ITPR1: variants seen among roughly 807,000 people sequenced by gnomAD.
ITPR1 encodes the protein inositol 1,4,5-trisphosphate-gated calcium channel ITPR1.
A neutral mutation model predicts 318.4 loss-of-function variants in ITPR1; 96 were observed. That is an observed-to-expected ratio of 0.30 (90% CI 0.26 to 0.36). The LOEUF (loss-of-function observed/expected upper bound fraction) is 0.36. Ranked by LOEUF, ITPR1 falls within the 10% of genes least tolerant of loss-of-function variation. ITPR1 has a pLI of 1.00. For synonymous variants in ITPR1, 1,312 were observed against 1,289.9 expected (o/e 1.02, Z -0.37); for missense variants, 2,440 against 3,460.2 (o/e 0.71, Z 7.40).
At chr3:4,698,961 C>A (rs993718468) in intron 34 of ITPR1, among the ~76,000 whole-genome samples, 1 of 152,284 alleles carries the variant, frequency 6.6e-6, no homozygotes, top group South Asian at 2.1e-4. Context: ...CACCCCAAAA[C>A]GTGTATAGTC....
intron 51 of ITPR1, among the ~76,000 whole-genome samples, chr3:4,785,691 A>G (rs1156826226): frequency 6.6e-6 from 1 of 152,178 alleles, no homozygotes; most frequent in African/African-American, 2.4e-5. Flanking sequence ...AGGACCTTGG[A>G]GATTATCTCA....
At chr3:4,523,120 C>T (rs1374887343) in intron 4 of ITPR1, among the ~76,000 whole-genome samples, 4 of 152,142 alleles carry the variant, frequency 2.6e-5, no homozygotes, top group South Asian at 2.1e-4. Context: ...ATCTAGGTTT[C>T]GCTTTTGCAG....
intron 7 of ITPR1, 61 bp downstream of exon 7, chr3:4,642,312 AT>A: frequency 7.5e-7 from 1 of 1,327,132 alleles, no homozygotes; most frequent in East Asian, 2.6e-5. Context: ...ATGACTGTAT[AT>A]TAGAGTTAAG....
At chr3:4,535,139 CG>C (rs2083743467) in intron 4 of ITPR1, among the ~76,000 whole-genome samples, 1 of 138,056 alleles carries the variant, frequency 7.2e-6, no homozygotes, top group South Asian at 2.3e-4. Context: ...TTGATCTGGG[CG>C]GGGGGAGGGA....
At chr3:4,724,920 G>C (rs752445658) in intron 40 of ITPR1, among the ~76,000 whole-genome samples, 3 of 152,156 alleles carry the variant, frequency 2.0e-5, no homozygotes, top group Non-Finnish European at 4.4e-5. Flanking sequence ...GCATGGGGTG[G>C]GAAACTCATC....
chr3:4,514,265 CA>C (rs926661854), intron 2 of ITPR1, among the ~76,000 whole-genome samples: 1 of 152,146 alleles, frequency 6.6e-6, no homozygotes, highest in African/African-American at 2.4e-5. Flanking sequence ...ACTAAGAGAA[CA>C]TTTGTAAAGC....
chr3:4,727,633 G>C (rs1241353058), intron 42 of ITPR1, among the ~76,000 whole-genome samples: 3 of 152,196 alleles, frequency 2.0e-5, no homozygotes, highest in African/African-American at 7.2e-5. Flanking sequence ...GGAATGTAGT[G>C]GTGCAATCTC....
intron 11 of ITPR1, among the ~76,000 whole-genome samples, chr3:4,652,489 T>C (rs1221057380): frequency 6.6e-6 from 1 of 152,176 alleles, no homozygotes; most frequent in Non-Finnish European, 1.5e-5. Context: ...GGTATTATTT[T>C]CCATTTCGCT....
chr3:4,695,361 G>A (rs751611787), intron 33 of ITPR1, among the ~76,000 whole-genome samples: 6 of 152,134 alleles, frequency 3.9e-5, no homozygotes, highest in Admixed American at 1.3e-4. Flanking sequence ...TGAGAGAAGC[G>A]TCGTGTTATA....
chr3:4,571,367 G>T (rs775879639), intron 4 of ITPR1, among the ~76,000 whole-genome samples: 23 of 151,670 alleles, frequency 1.5e-4, no homozygotes, highest in Non-Finnish European at 2.2e-4. Context: ...TTTGGAAAGG[G>T]TCTTGCTCTG....
intron 4 of ITPR1, among the ~76,000 whole-genome samples, chr3:4,539,435 GT>G (rs1223413903): frequency 6.6e-6 from 1 of 151,918 alleles, no homozygotes. Context: ...GAGTTTGTTG[GT>G]TTTTTTATCT....
At chr3:4,513,460 T>A (rs538239378) in intron 2 of ITPR1, among the ~76,000 whole-genome samples, 2 of 152,158 alleles carry the variant, frequency 1.3e-5, no homozygotes, top group Non-Finnish European at 2.9e-5. Flanking sequence ...CCCTACTTTT[T>A]GGTTGTTTTT....
At chr3:4,793,230 T>C (rs1200419355) in intron 52 of ITPR1, among the ~76,000 whole-genome samples, 2 of 152,246 alleles carry the variant, frequency 1.3e-5, no homozygotes, top group African/African-American at 4.8e-5. Flanking sequence ...TATGCCATAG[T>C]TGAAGACCAT....
intron 44 of ITPR1, among the ~76,000 whole-genome samples, chr3:4,761,212 T>TG (rs915725632): frequency 1.4e-4 from 22 of 152,138 alleles, no homozygotes; most frequent in Non-Finnish European, 2.6e-4. Flanking sequence ...TGCTGAGGTT[T>TG]GGGGGGGTTC....
At chr3:4,496,430 A>G (rs1271746779) in intron 2 of ITPR1, among the ~76,000 whole-genome samples, 2 of 152,192 alleles carry the variant, frequency 1.3e-5, no homozygotes, top group Non-Finnish European at 2.9e-5. Context: ...CAGGCAGGGA[A>G]AGTTCTTCAT....
chr3:4,561,777 A>G (rs552897727), intron 4 of ITPR1, among the ~76,000 whole-genome samples: 278 of 152,332 alleles, frequency 1.8e-3, no homozygotes, highest in Middle Eastern at 3.4e-3. Flanking sequence ...GGTTAAAAGA[A>G]CATGAGCAAT....
chr3:4,577,698 C>G (rs906323769), intron 4 of ITPR1, among the ~76,000 whole-genome samples: 2 of 152,144 alleles, frequency 1.3e-5, no homozygotes, highest in African/African-American at 4.8e-5. Flanking sequence ...AAAGTCGTGT[C>G]CTCTGTAACC....
At chr3:4,658,582 C>T (rs1003642526) in intron 13 of ITPR1, among the ~76,000 whole-genome samples, 30 of 150,374 alleles carry the variant, frequency 2.0e-4, no homozygotes, top group African/African-American at 6.8e-4. Context: ...TGGGAGAGCT[C>T]TTGGTTTGGG....
chr3:4,777,519 A>C, intron 48 of ITPR1, 145 bp downstream of exon 48: 1 of 611,856 alleles, frequency 1.6e-6, no homozygotes, highest in South Asian at 1.9e-5. Context: ...GCTAGTGCTG[A>C]CTACGATGCA....
Sources: gnomAD v4.1 joint callset for allele counts (sites outside exome capture counted in the v4.1 genomes callset) on GRCh38, gnomAD v4.1.1 for gene constraint, MANE v1.5 for transcripts, NCBI Gene and HGNC (gene_info 2026-07-23, HGNC 2026-07-21) for gene names.